Variants in RFX7 observed in about 807,000 individuals in gnomAD.
The protein encoded by RFX7 is DNA-binding protein RFX7.
In RFX7, 26 loss-of-function variants were observed where a neutral mutation model predicts 111.8. The ratio of observed to expected loss-of-function variants is 0.23; its 90% CI spans 0.17 to 0.32. The LOEUF (loss-of-function observed/expected upper bound fraction) is 0.32, where lower values mean the gene tolerates loss of function less well. Ranked by LOEUF, RFX7 falls within the 10% of genes least tolerant of loss-of-function variation. The pLI is 1.00. For missense variants in RFX7, 1,573 were observed against 1,772.9 expected (o/e 0.89, Z 2.02); for synonymous variants, 624 against 624.4 (o/e 1.00, Z 0.01).
At chr15:56,228,336 C>T (rs1476643812) in intron 2 of RFX7, among the ~76,000 whole-genome samples, 1 of 152,024 alleles carries the variant, frequency 6.6e-6, no homozygotes, top group Admixed American at 6.5e-5. Context: ...GCTTATGTTA[C>T]ACCTTTTGTA....
At chr15:56,237,718 C>T (rs1052291140) in intron 2 of RFX7, among the ~76,000 whole-genome samples, 5 of 152,156 alleles carry the variant, frequency 3.3e-5, no homozygotes, top group African/African-American at 1.2e-4. Flanking sequence ...ATATCCACTA[C>T]CCAACCTAAA....
intron 5 of RFX7, among the ~76,000 whole-genome samples, chr15:56,137,783 T>G (rs1317513822): frequency 1.9e-4 from 29 of 152,260 alleles, no homozygotes; most frequent in African/African-American, 6.3e-4. Flanking sequence ...CACACTGCTT[T>G]GAATGCGTCC....
At chr15:56,099,395 T>G (rs1262718326) in intron 8 of RFX7, among the ~76,000 whole-genome samples, 7 of 152,178 alleles carry the variant, frequency 4.6e-5, no homozygotes, top group African/African-American at 1.7e-4. Context: ...CCCAGCCCCT[T>G]TTAAAAATCA....
intron 2 of RFX7, among the ~76,000 whole-genome samples, chr15:56,239,937 C>T (rs554339141): frequency 6.7e-6 from 1 of 149,204 alleles, no homozygotes; most frequent in Non-Finnish European, 1.5e-5. Context: ...CACTAAACTA[C>T]GAAGACACTG....
chr15:56,156,448 A>G (rs1430077415), intron 3 of RFX7, among the ~76,000 whole-genome samples: 3 of 152,098 alleles, frequency 2.0e-5, no homozygotes, highest in African/African-American at 7.3e-5. Flanking sequence ...ATTCTATGAA[A>G]CAAAACCACA....
At chr15:56,156,661 C>G (rs968534108) in intron 3 of RFX7, among the ~76,000 whole-genome samples, 6 of 152,284 alleles carry the variant, frequency 3.9e-5, no homozygotes, top group Middle Eastern at 3.4e-3. Context: ...AAATTGCTCT[C>G]TAAAACTTAT....
chr15:56,130,572 A>T, intron 5 of RFX7, among the ~76,000 whole-genome samples: 1 of 152,242 alleles, frequency 6.6e-6, no homozygotes, highest in Middle Eastern at 3.4e-3. Flanking sequence ...ATTCATAGAT[A>T]TAAATGTTCC....
intron 5 of RFX7, among the ~76,000 whole-genome samples, chr15:56,118,652 A>G (rs561464596): frequency 7.2e-5 from 11 of 152,298 alleles, no homozygotes; most frequent in Admixed American, 7.2e-4. Context: ...GCTGGGATAA[A>G]CATGGGAGTG....
At chr15:56,178,705 A>G (rs2042930956) in intron 3 of RFX7, among the ~76,000 whole-genome samples, 1 of 152,166 alleles carries the variant, frequency 6.6e-6, no homozygotes, top group Non-Finnish European at 1.5e-5. Context: ...CTACTACTAT[A>G]CTAACACAAT....
At chr15:56,193,384 A>G (rs2043118244) in intron 2 of RFX7, 1 of 152,168 alleles carries the variant, frequency 6.6e-6, no homozygotes, top group Non-Finnish European at 1.5e-5. Context: ...TGATACTACT[A>G]ATTTTATCTG....
At chr15:56,137,193 C>T (rs1242036972) in intron 5 of RFX7, among the ~76,000 whole-genome samples, 2 of 151,968 alleles carry the variant, frequency 1.3e-5, no homozygotes, top group Non-Finnish European at 2.9e-5. Context: ...AGGAATGGTA[C>T]CAGTTCCTCC....
chr15:56,191,962 G>A (rs2043104527), intron 2 of RFX7, among the ~76,000 whole-genome samples: 1 of 152,092 alleles, frequency 6.6e-6, no homozygotes, highest in African/African-American at 2.4e-5. Flanking sequence ...TGTCCCAATG[G>A]CTTGTGACTG....
chr15:56,171,420 G>C (rs532983405), intron 3 of RFX7, among the ~76,000 whole-genome samples: 65 of 152,180 alleles, frequency 4.3e-4, no homozygotes, highest in African/African-American at 1.5e-3. Flanking sequence ...TAAAAGCGAG[G>C]CTGAAAGAGA....
intron 2 of RFX7, among the ~76,000 whole-genome samples, chr15:56,183,679 T>C (rs1035868989): frequency 1.3e-5 from 2 of 152,194 alleles, no homozygotes; most frequent in Admixed American, 6.5e-5. Flanking sequence ...CAAAACAGTC[T>C]TGACAATTCT....
chr15:56,160,187 T>G (rs1381632578), intron 3 of RFX7, among the ~76,000 whole-genome samples: 1 of 152,142 alleles, frequency 6.6e-6, no homozygotes, highest in Admixed American at 6.5e-5. Context: ...CTGAGGATCA[T>G]TATTTCCAGA....
chr15:56,205,565 C>A (rs1596008154), intron 2 of RFX7, among the ~76,000 whole-genome samples: 2 of 152,114 alleles, frequency 1.3e-5, no homozygotes, highest in African/African-American at 4.8e-5. Flanking sequence ...ATGTAAATGC[C>A]CAGATGTTTT....
Position 56,218,144 on chromosome 15 carries a change from CTTTTTT to C in RFX7, c.161+24975_161+24980del, listed in dbSNP as rs869249448. On this transcript the variant is annotated intron_variant, in intron 2 of 9. Coordinates refer to ENST00000559447, the MANE Select transcript of RFX7 (RefSeq NM_022841.7). ...TTACAAGTAATTTAGAAATGATTTT[CTTTTTT>C]TTTTTTTTTTTTTTTTTTTTTGAGA... Among the ~76,000 whole-genome samples, 333 of 57,944 alleles carry C rather than the reference CTTTTTT, an allele frequency of 5.7e-3. 1 individual carries two copies. Among genetic ancestry groups the C allele is most frequent in the African/African-American group, 0.022 (300 of 13,852 alleles). 38.0% of individuals were successfully genotyped at this position (57,944 alleles called of 152,430 possible). A position where few individuals can be genotyped will look rare whatever the true frequency, so the allele number is the denominator to read the frequency against.
At chr15:56,203,878 A>G (rs750322550) in intron 2 of RFX7, among the ~76,000 whole-genome samples, 1 of 152,188 alleles carries the variant, frequency 6.6e-6, no homozygotes, top group Non-Finnish European at 1.5e-5. Flanking sequence ...CTGTCTATAC[A>G]GAAGCTATTA....
intron 2 of RFX7, among the ~76,000 whole-genome samples, chr15:56,194,707 C>T (rs528880031): frequency 5.9e-5 from 9 of 152,054 alleles, no homozygotes; most frequent in South Asian, 2.1e-4. Flanking sequence ...AAAAAACATT[C>T]GGAATCACAC....
Sources: allele counts gnomAD v4.1 joint callset (sites outside exome capture counted in the v4.1 genomes callset), GRCh38; gene constraint gnomAD v4.1.1; transcripts MANE v1.5; gene names NCBI Gene and HGNC (gene_info 2026-07-23, HGNC 2026-07-21).